Variants in GDPD4 observed in about 807,000 individuals in gnomAD.
GDPD4 encodes glycerophosphodiester phosphodiesterase 6.
GDPD4 carries 60 observed loss-of-function variants against 67.8 expected under a neutral mutation model. The observed-to-expected ratio is 0.88, with a 90% CI of 0.72 to 1.10. The LOEUF (loss-of-function observed/expected upper bound fraction) is 1.10. GDPD4 is among the 50% of genes least tolerant of loss of function. GDPD4 has a pLI of 0.00. For synonymous variants in GDPD4, 212 were observed against 210.9 expected, an observed-to-expected ratio of 1.00 and a Z score of -0.04; for missense variants, 623 against 613.9, an observed-to-expected ratio of 1.01 and a Z score of -0.16.
chr11:77,245,002 T>C (rs1337241598), intron 12 of GDPD4, among the ~76,000 whole-genome samples: 1 of 152,218 alleles, frequency 6.6e-6, no homozygotes, highest in East Asian at 1.9e-4. Flanking sequence ...TCACATTAGA[T>C]AGTTATTACA....
chr11:77,296,161 G>C (rs1201705826), intron 1 of GDPD4, among the ~76,000 whole-genome samples: 1 of 149,780 alleles, frequency 6.7e-6, no homozygotes, highest in East Asian at 2.0e-4. Flanking sequence ...TGAGGCAGGA[G>C]AATGGCGTGA....
At chr11:77,241,876 C>A (rs960354040) in intron 13 of GDPD4, among the ~76,000 whole-genome samples, 1 of 151,598 alleles carries the variant, frequency 6.6e-6, no homozygotes, top group East Asian at 1.9e-4. Context: ...GAGGTTGCAG[C>A]GAGCCAAGAT....
chr11:77,293,521 G>C (rs1450080518), intron 1 of GDPD4, among the ~76,000 whole-genome samples: 1 of 151,590 alleles, frequency 6.6e-6, no homozygotes, highest in East Asian at 1.9e-4. Context: ...CTTGAGCCTG[G>C]AGATGGAGGT....
intron 7 of GDPD4, 60 bp downstream of exon 7, chr11:77,271,070 A>T (rs1288238820): frequency 7.9e-6 from 9 of 1,139,426 alleles, no homozygotes; most frequent in Non-Finnish European, 1.2e-5. Context: ...TCCTGAGTGG[A>T]GTATGCAAGC....
chr11:77,270,367 G>A (rs1011421364), intron 7 of GDPD4, among the ~76,000 whole-genome samples: 4 of 152,186 alleles, frequency 2.6e-5, no homozygotes, highest in African/African-American at 9.7e-5. Context: ...TCTCACAGGG[G>A]ACTGCTTTGA....
chr11:77,268,978 C>T lies in GDPD4; in HGVS notation c.570G>A (p.Glu190=). The stretch of plus-strand genomic sequence containing the variant: ...TTGGCTTGGGCCCCAAATTCTCCTT[C>T]TCCTGAATGCAGGGAGAATAAATCC... ...PLGIYSPCIQ[E]KENLGPKPTI... The change falls in exon 9 of 17, where the codon GAG becomes GAA. Residue 190 remains glutamate (E), a synonymous_variant. Transcript: ENST00000315938. 6.2e-7 allele frequency: 1 copy of T among 1,614,092 alleles called. No individual in the cohort carries two copies. Among genetic ancestry groups the T allele is most frequent in the Non-Finnish European group, 8.5e-7 (1 of 1,179,976 alleles).
chr11:77,233,276 C>T (rs1041588678), intron 13 of GDPD4, 104 bp from the exon 14 acceptor site: 34 of 1,023,034 alleles, frequency 3.3e-5, no homozygotes, highest in Middle Eastern at 4.3e-4. Context: ...GCCTAAATCA[C>T]CAGAAGCAGC....
At chr11:77,239,032 G>A (rs1038738733) in intron 13 of GDPD4, among the ~76,000 whole-genome samples, 2 of 152,112 alleles carry the variant, frequency 1.3e-5, no homozygotes, top group African/African-American at 4.8e-5. Flanking sequence ...ATACAAGGAG[G>A]GTTCATCATA....
chr11:77,239,905 T>C, intron 13 of GDPD4, among the ~76,000 whole-genome samples: 1 of 149,128 alleles, frequency 6.7e-6, no homozygotes, highest in Non-Finnish European at 1.5e-5. Context: ...GAGGTTGCAA[T>C]GGGCAGAGAT....
At chr11:77,218,964 A>C (rs534118505) in intron 16 of GDPD4, among the ~76,000 whole-genome samples, 53 of 152,354 alleles carry the variant, frequency 3.5e-4, no homozygotes, top group African/African-American at 1.2e-3. Flanking sequence ...AGGAATCGCC[A>C]CACTGTCTTC....
At chr11:77,268,879 C>T (rs1311265016) in intron 9 of GDPD4, 45 bp downstream of exon 9, 2 of 1,592,348 alleles carry the variant, frequency 1.3e-6, no homozygotes, top group Admixed American at 1.7e-5. Context: ...ACCACATACC[C>T]CACACATACT....
Position 77,258,457 on chromosome 11 carries a change from C to T in GDPD4, c.793G>A (p.Glu265Lys), listed in dbSNP as rs753398151. The change falls in exon 11 of 17, where the codon GAG (glutamate) becomes AAG (lysine). Residue 265 changes from glutamate to lysine, a missense_variant. By Grantham distance (56) the Glu-to-Lys change is moderately conservative. Transcript: ENST00000315938. The stretch of plus-strand genomic sequence containing the variant: ...TCCCAGTTGAAGAAGGCAGGGTTCT[C>T]GCAGGCAGATTCTGGCTGAACTTCC... Reference protein sequence around the residue: ...IGEVQPESACENPAFFNWDFL... With the variant: ...IGEVQPESACKNPAFFNWDFL... 4.3e-6 allele frequency: 7 copies of T among 1,614,002 alleles called. No individual in the cohort carries two copies. The Admixed American group carries it at 5.0e-5, about 12-fold the overall frequency.
intron 1 of GDPD4, among the ~76,000 whole-genome samples, chr11:77,292,865 T>C (rs1937826054): frequency 6.6e-6 from 1 of 152,116 alleles, no homozygotes; most frequent in Non-Finnish European, 1.5e-5. Context: ...GCAAATTCCT[T>C]GAAAGACAAA....
chr11:77,221,565 G>C (rs1958224558), intron 16 of GDPD4, among the ~76,000 whole-genome samples: 1 of 152,192 alleles, frequency 6.6e-6, no homozygotes, highest in Non-Finnish European at 1.5e-5. Context: ...TTAATCCTGA[G>C]ATCTAATTTG....
chr11:77,287,799 A>T (rs1275327851), intron 1 of GDPD4, among the ~76,000 whole-genome samples: 1 of 152,246 alleles, frequency 6.6e-6, no homozygotes, highest in Non-Finnish European at 1.5e-5. Flanking sequence ...GGTGAGGTAC[A>T]TGAAAATACC....
chr11:77,255,495 C>T (rs915548442), intron 11 of GDPD4, among the ~76,000 whole-genome samples: 1 of 151,868 alleles, frequency 6.6e-6, no homozygotes, highest in Middle Eastern at 3.2e-3. Flanking sequence ...ACTCAGGAGG[C>T]GGAGGCTTCA....
In GDPD4 at chr11:77,271,192, A is replaced by ATCC; in HGVS notation, c.337_338insGGA (p.Ser112_Ile113insArg). 1 of 1,613,066 alleles carries ATCC rather than the reference A, an allele frequency of 6.2e-7. No homozygotes were observed. Among genetic ancestry groups the ATCC allele is most frequent in the East Asian group, 2.2e-5 (1 of 44,884 alleles). Reference sequence around the variant, plus strand: ...CCAGAAAAGGATAACCATCACAGTTATGCTGACCAGGTGCACGTAGGGAGC... The same window carrying ATCC: ...CCAGAAAAGGATAACCATCACAGTTATCCTGCTGACCAGGTGCACGTAGGGAGC... On this transcript the variant is annotated inframe_insertion, in exon 7 of 17. Coordinates refer to ENST00000315938, the MANE Select transcript of GDPD4 (RefSeq NM_182833.3).
intron 1 of GDPD4, among the ~76,000 whole-genome samples, chr11:77,292,872 C>T (rs1937828401): frequency 6.6e-6 from 1 of 152,016 alleles, no homozygotes; most frequent in South Asian, 2.1e-4. Context: ...CCTTGAAAGA[C>T]AAAAACTACT....
At chr11:77,233,322 A>G in intron 13 of GDPD4, 150 bp from the exon 14 acceptor site, 3 of 673,316 alleles carry the variant, frequency 4.5e-6, no homozygotes, top group Non-Finnish European at 7.7e-6. Flanking sequence ...ATGTGACAGA[A>G]TGGGCTCATA....
Sources: allele counts gnomAD v4.1 joint callset (sites outside exome capture counted in the v4.1 genomes callset), GRCh38; gene constraint gnomAD v4.1.1; transcripts MANE v1.5; gene names NCBI Gene and HGNC (gene_info 2026-07-23, HGNC 2026-07-21).